The following SLC39A11 variants were observed in gnomAD, a reference collection of about 807,000 sequenced individuals.
The protein encoded by SLC39A11 is zinc transporter ZIP11.
In SLC39A11, 33 loss-of-function variants were observed where a neutral mutation model predicts 36.1. The observed-to-expected ratio is 0.91, with a 90% CI of 0.69 to 1.22. SLC39A11 has a LOEUF of 1.22. Among genes scored for constraint, SLC39A11 ranks in the 50% most tolerant of loss-of-function variants. The pLI, the probability that SLC39A11 is intolerant of heterozygous loss-of-function variation, is 0.00. For missense variants in SLC39A11, 432 were observed against 430.3 expected (o/e 1.00, Z -0.03); for synonymous variants, 166 against 170.3 (o/e 0.97, Z 0.20).
At chr17:72,870,230 G>A (rs2080537420) in intron 5 of SLC39A11, among the ~76,000 whole-genome samples, 1 of 152,048 alleles carries the variant, frequency 6.6e-6, no homozygotes, top group Admixed American at 6.5e-5. Flanking sequence ...GGAACTCTCT[G>A]GTTTCTATGC....
intron 5 of SLC39A11, among the ~76,000 whole-genome samples, chr17:72,933,012 T>C (rs2084516528): frequency 6.6e-6 from 1 of 152,192 alleles, no homozygotes; most frequent in Admixed American, 6.5e-5. Flanking sequence ...TCAATGATTT[T>C]CCCCTAACAT....
intron 6 of SLC39A11, among the ~76,000 whole-genome samples, chr17:72,755,478 T>C (rs948199083): frequency 6.6e-6 from 1 of 152,228 alleles, no homozygotes; most frequent in African/African-American, 2.4e-5. Context: ...TGGGTCTCCA[T>C]AGACACCGGC....
Position 72,904,940 on chromosome 17 carries a change from G to A in SLC39A11, c.430+42812C>T, listed in dbSNP as rs372590269. The stretch of plus-strand genomic sequence containing the variant: ...TGTAATCCCAGCACTTTGGGAGGCC[G>A]AGGCAGGCGGATCACGAGGTCAGGA... On this transcript the variant is annotated intron_variant, in intron 5 of 9. Transcript: ENST00000255559. Among the ~76,000 whole-genome samples, 23 of 150,660 alleles carry A rather than the reference G, an allele frequency of 1.5e-4. No homozygotes were observed. In the East Asian group the frequency reaches 2.6e-3, roughly 17 times the overall value.
chr17:72,965,289 G>GA (rs1047412072), intron 4 of SLC39A11, among the ~76,000 whole-genome samples: 10 of 150,708 alleles, frequency 6.6e-5, no homozygotes, highest in East Asian at 2.0e-4. Context: ...TCTAAAGGTT[G>GA]AAAAAAAAAG....
intron 7 of SLC39A11, among the ~76,000 whole-genome samples, chr17:72,679,446 G>T (rs1317184551): frequency 1.3e-5 from 2 of 152,230 alleles, no homozygotes; most frequent in Non-Finnish European, 2.9e-5. Context: ...TCCTCTGGCT[G>T]CTCAGAGTCT....
Position 72,716,281 on chromosome 17 carries a change from C to T in SLC39A11, c.671+20369G>A, listed in dbSNP as rs537531874. Among the ~76,000 whole-genome samples the T allele has an allele frequency of 2.0e-5, 3 of 152,082 alleles. No individual in the cohort carries two copies. In the South Asian group the frequency reaches 6.2e-4, roughly 31 times the overall value. ...GGAATTACACGGAAGAAAGGAAATT[C>T]GTCTTTTAAGAACAAGCGGGAGGCG... is the stretch of plus-strand genomic sequence containing the variant. On this transcript the variant is annotated intron_variant, in intron 7 of 9. Transcript: ENST00000255559.
At chr17:72,805,164 T>C (rs2077211002) in intron 6 of SLC39A11, among the ~76,000 whole-genome samples, 1 of 152,180 alleles carries the variant, frequency 6.6e-6, no homozygotes, top group African/African-American at 2.4e-5. Flanking sequence ...TTGGTACTAT[T>C]TAAAGAGGCA....
intron 5 of SLC39A11, among the ~76,000 whole-genome samples, chr17:72,935,163 C>T (rs946793726): frequency 3.3e-5 from 5 of 152,178 alleles, no homozygotes; most frequent in East Asian, 1.9e-4. Flanking sequence ...TGTATCCACA[C>T]GATGGAATGC....
intron 6 of SLC39A11, among the ~76,000 whole-genome samples, chr17:72,810,010 GCTGAGATTATGCCA>G (rs1216892404): frequency 6.6e-6 from 1 of 150,886 alleles, no homozygotes; most frequent in Non-Finnish European, 1.5e-5. Flanking sequence ...GTTGCAATAA[GCTGAGATTATGCCA>G]CTGCACTCCA....
intron 5 of SLC39A11, among the ~76,000 whole-genome samples, chr17:72,852,827 G>A (rs532298786): frequency 3.3e-5 from 5 of 152,298 alleles, no homozygotes; most frequent in African/African-American, 1.2e-4. Flanking sequence ...AAGCAAAGCA[G>A]TCCCTGAGAG....
At chr17:73,069,229 C>T (rs997765521) in intron 3 of SLC39A11, among the ~76,000 whole-genome samples, 3 of 152,218 alleles carry the variant, frequency 2.0e-5, no homozygotes, top group Non-Finnish European at 4.4e-5. Context: ...AGTAACCTCC[C>T]TGTCACTGAG....
chr17:73,062,008 C>CA (rs1375687628), intron 3 of SLC39A11, among the ~76,000 whole-genome samples: 6 of 151,148 alleles, frequency 4.0e-5, no homozygotes, highest in South Asian at 4.2e-4. Flanking sequence ...CAAAACAAAA[C>CA]AAAAAAAATC....
chr17:72,717,002 C>T (rs1007462465), intron 7 of SLC39A11, among the ~76,000 whole-genome samples: 27 of 143,936 alleles, frequency 1.9e-4, no homozygotes, highest in African/African-American at 6.7e-4. Context: ...TACACACACA[C>T]ACACACACAC....
At chr17:72,775,592 T>C (rs2076106095) in intron 6 of SLC39A11, among the ~76,000 whole-genome samples, 1 of 152,082 alleles carries the variant, frequency 6.6e-6, no homozygotes, top group Non-Finnish European at 1.5e-5. Flanking sequence ...GGGGGCAACG[T>C]AGCAATCAGA....
intron 4 of SLC39A11, among the ~76,000 whole-genome samples, chr17:72,993,838 C>A (rs142298085): frequency 7.2e-5 from 11 of 152,122 alleles, no homozygotes; most frequent in Non-Finnish European, 1.6e-4. Flanking sequence ...GCCTACTGCC[C>A]CTTCCGAGTC....
At chr17:72,962,289 C>T (rs1325673966) in intron 4 of SLC39A11, among the ~76,000 whole-genome samples, 1 of 152,176 alleles carries the variant, frequency 6.6e-6, no homozygotes, top group African/African-American at 2.4e-5. Flanking sequence ...ACCACCGTTT[C>T]CATGGGGCCA....
Position 72,648,951 on chromosome 17 carries a change from G to T in SLC39A11, c.781C>A (p.Leu261Met). 1 of 1,612,428 alleles carries T rather than the reference G, an allele frequency of 6.2e-7. No individual in the cohort carries two copies. Among genetic ancestry groups the T allele is most frequent in the African/African-American group, 1.3e-5 (1 of 75,004 alleles). ...GCCAGGGGCTCCACCATGCCGCTCA[G>T]CTGCCCATACCTAAGGAGAGAACAG... ...STWRAFWYGQ[L>M]SGMVEPLAGV... is the part of the protein sequence containing the mutation. The change falls in exon 9 of 10, where the codon CTG (leucine) becomes ATG (methionine). Residue 261 changes from leucine to methionine, a missense_variant. Leu to Met is a conservative substitution (Grantham distance 15). Coordinates refer to ENST00000255559, the MANE Select transcript of SLC39A11 (RefSeq NM_139177.4).
At chr17:72,983,565 C>T (rs190246388) in intron 4 of SLC39A11, among the ~76,000 whole-genome samples, 6 of 152,212 alleles carry the variant, frequency 3.9e-5, no homozygotes, top group Admixed American at 3.9e-4. Flanking sequence ...ACTAATATAT[C>T]TACACTTACA....
intron 5 of SLC39A11, among the ~76,000 whole-genome samples, chr17:72,861,740 T>TTATATATA (rs71945815): frequency 4.5e-5 from 3 of 67,336 alleles, no homozygotes; most frequent in Non-Finnish European, 5.9e-5. Context: ...ACATTGGAGA[T>TTATATATA]TATATATATA....
Sources: gnomAD v4.1 joint callset for allele counts (sites outside exome capture counted in the v4.1 genomes callset) on GRCh38, gnomAD v4.1.1 for gene constraint, MANE v1.5 for transcripts, NCBI Gene and HGNC (gene_info 2026-07-23, HGNC 2026-07-21) for gene names.